GRIA2: variants seen among roughly 807,000 people sequenced by gnomAD.
GRIA2 encodes glutamate ionotropic receptor AMPA type subunit 2, also known as glutamate receptor 2.
A neutral mutation model predicts 97.3 loss-of-function variants in GRIA2; 14 were observed. The ratio of observed to expected loss-of-function variants is 0.14; its 90% CI spans 0.10 to 0.23. GRIA2 has a LOEUF of 0.23. Ranked by LOEUF, GRIA2 falls within the 10% of genes least tolerant of loss-of-function variation. The pLI is 1.00. For synonymous variants in GRIA2, 412 were observed against 387.8 expected (o/e 1.06, Z -0.73); for missense variants, 558 against 1,069.8 (o/e 0.52, Z 6.67).
intron 2 of GRIA2, among the ~76,000 whole-genome samples, chr4:157,230,526 TCTTCCTTCCTTCTTTC>T (rs1729955961): frequency 6.8e-6 from 1 of 147,324 alleles, no homozygotes; most frequent in African/African-American, 2.5e-5. Flanking sequence ...TTCCTTCCTT[TCTTCCTTCCTTCTTTC>T]CTTCCTTCCT....
At chr4:157,306,640 G>T (rs1215305575) in intron 3 of GRIA2, among the ~76,000 whole-genome samples, 1 of 152,112 alleles carries the variant, frequency 6.6e-6, no homozygotes, top group South Asian at 2.1e-4. Flanking sequence ...ACATAAATAT[G>T]TAAGACTCTC....
intron 12 of GRIA2, among the ~76,000 whole-genome samples, chr4:157,355,978 T>C (rs1373481033): frequency 8.6e-5 from 6 of 69,552 alleles, no homozygotes; most frequent in African/African-American, 7.3e-4. Flanking sequence ...TTAATATATA[T>C]ATTTATATAT....
At chr4:157,319,251 A>G (rs1247284409) in intron 5 of GRIA2, among the ~76,000 whole-genome samples, 1 of 152,182 alleles carries the variant, frequency 6.6e-6, no homozygotes, top group Non-Finnish European at 1.5e-5. Flanking sequence ...CCATTTGATG[A>G]ACAACACAGA....
chr4:157,273,343 G>A (rs900230547), intron 2 of GRIA2, among the ~76,000 whole-genome samples: 3 of 152,026 alleles, frequency 2.0e-5, no homozygotes, highest in East Asian at 1.9e-4. Flanking sequence ...AGAAAAATAC[G>A]AGGGATACTA....
intron 2 of GRIA2, among the ~76,000 whole-genome samples, chr4:157,278,233 G>A (rs1287164802): frequency 6.6e-6 from 1 of 151,714 alleles, no homozygotes; most frequent in Non-Finnish European, 1.5e-5. Flanking sequence ...TTACTACAAA[G>A]TTACAGTAAT....
intron 2 of GRIA2, among the ~76,000 whole-genome samples, chr4:157,231,620 A>G (rs970781181): frequency 1.3e-5 from 2 of 152,226 alleles, no homozygotes; most frequent in African/African-American, 4.8e-5. Context: ...AATATACAAT[A>G]TGGAATGTAC....
intron 11 of GRIA2, among the ~76,000 whole-genome samples, chr4:157,339,058 A>T (rs2126946587): frequency 6.6e-6 from 1 of 152,022 alleles, no homozygotes; most frequent in Non-Finnish European, 1.5e-5. Context: ...TTATTTATTA[A>T]ATTAAGTGAT....
chr4:157,352,694 TA>T (rs1160103885), intron 12 of GRIA2, among the ~76,000 whole-genome samples: 1 of 130,532 alleles, frequency 7.7e-6, no homozygotes. Context: ...CACTCCAGCC[TA>T]GGCGACAGAG....
At chr4:157,287,421 T>C (rs886690071) in intron 2 of GRIA2, among the ~76,000 whole-genome samples, 1 of 151,712 alleles carries the variant, frequency 6.6e-6, no homozygotes, top group African/African-American at 2.4e-5. Flanking sequence ...AATGTATTGT[T>C]TTTTCTTTCT....
intron 2 of GRIA2, among the ~76,000 whole-genome samples, chr4:157,269,596 T>G (rs1414410820): frequency 1.3e-5 from 2 of 152,078 alleles, no homozygotes; most frequent in Admixed American, 6.6e-5. Context: ...TGCAGCTTCC[T>G]AAGAGGCATG....
intron 5 of GRIA2, among the ~76,000 whole-genome samples, chr4:157,320,301 G>A (rs549074581): frequency 6.6e-6 from 1 of 152,062 alleles, no homozygotes; most frequent in South Asian, 2.1e-4. Context: ...TGTCATGTAA[G>A]CAAATTACAT....
intron 2 of GRIA2, among the ~76,000 whole-genome samples, chr4:157,291,116 A>G (rs1262908456): frequency 1.3e-5 from 2 of 151,964 alleles, no homozygotes; most frequent in Non-Finnish European, 2.9e-5. Context: ...CCTTGAAATT[A>G]GCTATCATCT....
chr4:157,327,185 C>G (rs1051704213), intron 6 of GRIA2, among the ~76,000 whole-genome samples: 27 of 152,176 alleles, frequency 1.8e-4, no homozygotes, highest in African/African-American at 6.5e-4. Context: ...TCATTTGTAT[C>G]TTATTAGCCT....
intron 6 of GRIA2, among the ~76,000 whole-genome samples, chr4:157,326,981 G>C (rs1036136152): frequency 1.3e-5 from 2 of 152,076 alleles, no homozygotes; most frequent in Non-Finnish European, 2.9e-5. Flanking sequence ...AAGAGACAAT[G>C]GTTGTCTTAA....
rs1729473630 is a variant in GRIA2, at chr4:157,221,137, A to G, written c.88+7A>G. The G allele has an allele frequency of 7.3e-7, 1 of 1,365,740 alleles. No homozygotes were observed. The highest frequency in any genetic ancestry group is 1.0e-6 in the Non-Finnish European group (1 of 953,476). 84.6% of individuals were successfully genotyped at this position (1,365,740 alleles called of 1,614,324 possible). On this transcript the variant is annotated splice_region_variant and intron_variant, in intron 1 of 15. Coordinates refer to ENST00000264426, the MANE Select transcript of GRIA2 (RefSeq NM_001083619.3). ...TCTAACAGCATACAGATAGGTAGGT[A>G]CCCTTTGTGCTATGCTTTTGAATTG...
At chr4:157,263,169 A>G (rs1425432480) in intron 2 of GRIA2, among the ~76,000 whole-genome samples, 1 of 152,086 alleles carries the variant, frequency 6.6e-6, no homozygotes, top group Non-Finnish European at 1.5e-5. Flanking sequence ...TCTTCAATTT[A>G]AAGTGGTTGA....
At chr4:157,330,186 CAAT>C (rs1217504804) in intron 6 of GRIA2, among the ~76,000 whole-genome samples, 1 of 151,820 alleles carries the variant, frequency 6.6e-6, no homozygotes, top group African/African-American at 2.4e-5. Context: ...CAACCTTAGA[CAAT>C]AATACTTTAG....
intron 8 of GRIA2, among the ~76,000 whole-genome samples, chr4:157,333,610 G>A (rs1229522160): frequency 1.3e-5 from 2 of 151,996 alleles, no homozygotes; most frequent in African/African-American, 4.8e-5. Context: ...AGTCTTTAAT[G>A]AAAAGAGAAA....
chr4:157,278,715 CAT>C (rs1382371212), intron 2 of GRIA2, among the ~76,000 whole-genome samples: 1 of 151,770 alleles, frequency 6.6e-6, no homozygotes, highest in African/African-American at 2.4e-5. Flanking sequence ...TTATAAAAGA[CAT>C]ATCTAATAAA....
Sources: gnomAD v4.1 joint callset for allele counts (sites outside exome capture counted in the v4.1 genomes callset) on GRCh38, gnomAD v4.1.1 for gene constraint, MANE v1.5 for transcripts, NCBI Gene and HGNC (gene_info 2026-07-23, HGNC 2026-07-21) for gene names.